Variants in ZNF536 observed in about 807,000 individuals in gnomAD.
ZNF536 encodes the protein zinc finger protein 536.
A neutral mutation model predicts 84.5 loss-of-function variants in ZNF536; 13 were observed. The observed-to-expected ratio is 0.15, with a 90% CI of 0.10 to 0.24. The LOEUF is 0.24. Among genes scored for constraint, ZNF536 ranks in the 10% least tolerant of loss-of-function variants. ZNF536 has a pLI of 1.00. For synonymous variants in ZNF536, 811 were observed against 742.5 expected (o/e 1.09, Z -1.50); for missense variants, 1,536 against 1,747.5 (o/e 0.88, Z 2.16).
At chr19:30,355,312 A>G (rs935412571) in intron 3 of ZNF536, among the ~76,000 whole-genome samples, 5 of 152,126 alleles carry the variant, frequency 3.3e-5, no homozygotes, top group Non-Finnish European at 5.9e-5. Flanking sequence ...TGTGTGAACC[A>G]ACTGAGTGAG....
At chr19:30,476,336 A>C (rs747854899) in intron 2 of ZNF536, among the ~76,000 whole-genome samples, 5 of 152,194 alleles carry the variant, frequency 3.3e-5, no homozygotes, top group Non-Finnish European at 7.3e-5. Context: ...TGGAATGAGA[A>C]AAGTGAAATT....
chr19:30,545,201 CA>C (rs928296340), intron 3 of ZNF536, among the ~76,000 whole-genome samples: 4 of 152,044 alleles, frequency 2.6e-5, no homozygotes, highest in Non-Finnish European at 5.9e-5. Context: ...GATGGTTTTT[CA>C]AGGGATTGTC....
intron 2 of ZNF536, among the ~76,000 whole-genome samples, chr19:30,458,460 T>TTTTG (rs1184710046): frequency 1.4e-5 from 2 of 146,454 alleles, no homozygotes; most frequent in Non-Finnish European, 3.0e-5. Flanking sequence ...TTTTTTTTTT[T>TTTTG]TTTTTTTTTT....
At chr19:30,623,035 T>G (rs1342232161) in intron 1 of ZNF536, among the ~76,000 whole-genome samples, 3 of 142,286 alleles carry the variant, frequency 2.1e-5, no homozygotes, top group African/African-American at 8.3e-5. Flanking sequence ...TTTTTTTGTT[T>G]TTTTGTTTTT....
rs1292704200 is a variant in ZNF536 at position 30,468,076 on chromosome 19, C to T, written c.2170+22344C>T. Among the ~76,000 whole-genome samples the T allele has an allele frequency of 3.9e-5, 6 of 152,216 alleles. No individual in the cohort carries two copies. In the East Asian group the frequency reaches 7.7e-4, roughly 20 times the overall value. On this transcript the variant is annotated intron_variant, in intron 2 of 4. Transcript: ENST00000355537. ...CAGCGCCCCGTGAAAAATGTGTCAC[C>T]GCCCACGACAAGATACGCTGCGTGG...
chr19:30,578,351 C>G (rs143171176), intron 1 of ZNF536, among the ~76,000 whole-genome samples: 5 of 152,334 alleles, frequency 3.3e-5, no homozygotes, highest in Non-Finnish European at 5.9e-5. Flanking sequence ...AGAGCCAGCT[C>G]AGTCACCCAC....
At chr19:30,506,943 T>C (rs917147760) in intron 2 of ZNF536, among the ~76,000 whole-genome samples, 1 of 152,232 alleles carries the variant, frequency 6.6e-6, no homozygotes, top group Non-Finnish European at 1.5e-5. Context: ...CAGGCTTTTC[T>C]ATGAAAAAAC....
chr19:30,685,267 A>T (rs1242410681), intron 1 of ZNF536, among the ~76,000 whole-genome samples: 1 of 152,178 alleles, frequency 6.6e-6, no homozygotes, highest in Non-Finnish European at 1.5e-5. Context: ...TTCCACAGGG[A>T]TGCAATGACA....
intron 2 of ZNF536, among the ~76,000 whole-genome samples, chr19:30,328,389 C>T (rs1360320771): frequency 1.3e-5 from 2 of 152,126 alleles, no homozygotes; most frequent in South Asian, 2.1e-4. Context: ...CTCTGCAGCC[C>T]CTGACAAGGC....
At chr19:30,291,200 T>C (rs1469275948) in intron 2 of ZNF536, among the ~76,000 whole-genome samples, 4 of 152,212 alleles carry the variant, frequency 2.6e-5, no homozygotes, top group African/African-American at 9.7e-5. Flanking sequence ...TGGGTATATA[T>C]CCAGTAATGG....
rs539784671 is a variant in ZNF536, at chr19:30,387,065, A to T, written c.-3+14509A>T. On this transcript the variant is annotated intron_variant, in intron 1 of 4. Coordinates refer to ENST00000355537, the MANE Select transcript of ZNF536 (RefSeq NM_014717.3). The stretch of plus-strand genomic sequence containing the variant: ...CGAGAGTCGGTCTGTTTGATGTGTG[A>T]TTGAAGTGTCAGTGGAGACACACAG... 3.3e-5 allele frequency among the ~76,000 whole-genome samples: 5 copies of T among 152,336 alleles called. 1 individual carries two copies. The highest frequency in any genetic ancestry group is 1.2e-4 in the African/African-American group (5 of 41,578).
At chr19:30,254,869 T>G (rs2024827561) in intron 1 of ZNF536, among the ~76,000 whole-genome samples, 1 of 152,222 alleles carries the variant, frequency 6.6e-6, no homozygotes, top group South Asian at 2.1e-4. Flanking sequence ...TGCCATCTGG[T>G]GAGATCTGAG....
At chr19:30,573,141 G>T (rs537493312) in intron 1 of ZNF536, among the ~76,000 whole-genome samples, 14 of 152,196 alleles carry the variant, frequency 9.2e-5, no homozygotes, top group Non-Finnish European at 1.8e-4. Context: ...AGAGATCCCT[G>T]TGTAAGTGAA....
intron 1 of ZNF536, among the ~76,000 whole-genome samples, chr19:30,442,818 C>CAA (rs2052116933): frequency 6.6e-6 from 1 of 152,178 alleles, no homozygotes; most frequent in African/African-American, 2.4e-5. Flanking sequence ...TGCTTCCTTG[C>CAA]AAACACTGAA....
intron 1 of ZNF536, among the ~76,000 whole-genome samples, chr19:30,604,020 G>A (rs1317643098): frequency 6.6e-6 from 1 of 152,156 alleles, no homozygotes; most frequent in Non-Finnish European, 1.5e-5. Flanking sequence ...AACCTGGGAG[G>A]CCGAGGCTGC....
intron 2 of ZNF536, among the ~76,000 whole-genome samples, chr19:30,512,310 C>T (rs1270164800): frequency 6.6e-6 from 1 of 152,130 alleles, no homozygotes; most frequent in Admixed American, 6.5e-5. Context: ...TGTCGTTTTC[C>T]TTAATTGACT....
At chr19:30,300,248 T>C (rs887674304) in intron 2 of ZNF536, among the ~76,000 whole-genome samples, 3 of 152,264 alleles carry the variant, frequency 2.0e-5, no homozygotes, top group African/African-American at 7.2e-5. Context: ...TTCTGGGTGG[T>C]GTTGAACAGG....
intron 2 of ZNF536, among the ~76,000 whole-genome samples, chr19:30,496,691 T>G (rs1377691341): frequency 2.0e-5 from 3 of 150,250 alleles, no homozygotes; most frequent in Non-Finnish European, 4.4e-5. Context: ...GATGGGGGGG[T>G]TTGGGCAGCA....
chr19:30,554,135 AT>A (rs1383064699), intron 4 of ZNF536: 1 of 149,080 alleles, frequency 6.7e-6, no homozygotes, highest in Non-Finnish European at 1.5e-5. Context: ...CAAATTACAT[AT>A]TTTTATGTGT....
Sources: allele counts gnomAD v4.1 joint callset (sites outside exome capture counted in the v4.1 genomes callset), GRCh38; gene constraint gnomAD v4.1.1; transcripts MANE v1.5; gene names NCBI Gene and HGNC (gene_info 2026-07-23, HGNC 2026-07-21).